ITPK1: variants seen among roughly 807,000 people sequenced by gnomAD.
ITPK1 encodes inositol 1,3,4-trisphosphate 5/6-kinase.
ITPK1 carries 21 observed loss-of-function variants against 45.3 expected under a neutral mutation model. The ratio of observed to expected loss-of-function variants is 0.46; its 90% CI spans 0.33 to 0.67. ITPK1 has a LOEUF of 0.67. Among genes scored for constraint, ITPK1 ranks in the 30% least tolerant of loss-of-function variants. The pLI is 0.02. For synonymous variants in ITPK1, 258 were observed against 253.6 expected, an observed-to-expected ratio of 1.02 and a Z score of -0.16; for missense variants, 474 against 573.5, an observed-to-expected ratio of 0.83 and a Z score of 1.77.
chr14:92,964,005 T>C (rs1188950500), intron 5 of ITPK1, among the ~76,000 whole-genome samples: 1 of 152,164 alleles, frequency 6.6e-6, no homozygotes, highest in African/African-American at 2.4e-5. Context: ...CTTGGCTGGC[T>C]AGGAGGTCAG....
intron 2 of ITPK1, among the ~76,000 whole-genome samples, chr14:93,088,112 CAGGGG>C (rs1891719311): frequency 6.6e-6 from 1 of 152,198 alleles, no homozygotes; most frequent in Non-Finnish European, 1.5e-5. Context: ...GAGAGGATTC[CAGGGG>C]CCTGAGCACG....
chr14:93,105,702 GTTTTTTTTTT>G (rs376342112), intron 2 of ITPK1, among the ~76,000 whole-genome samples: 1 of 127,768 alleles, frequency 7.8e-6, no homozygotes, highest in Non-Finnish European at 1.7e-5. Context: ...TTTTTGTGGG[GTTTTTTTTTT>G]TTTTTTTTGA....
intron 5 of ITPK1, among the ~76,000 whole-genome samples, chr14:92,973,212 A>G (rs1482352838): frequency 6.6e-6 from 1 of 152,252 alleles, no homozygotes; most frequent in African/African-American, 2.4e-5. Flanking sequence ...TGATTCAGTA[A>G]CTAGGCAGTA....
chr14:93,110,326 C>T (rs1265091242), intron 2 of ITPK1, among the ~76,000 whole-genome samples: 1 of 152,142 alleles, frequency 6.6e-6, no homozygotes, highest in Non-Finnish European at 1.5e-5. Flanking sequence ...TCTGCACCCC[C>T]GAAATGGTGG....
chr14:92,945,984 G>C (rs1346981231), intron 10 of ITPK1, among the ~76,000 whole-genome samples: 1 of 152,214 alleles, frequency 6.6e-6, no homozygotes, highest in South Asian at 2.1e-4. Flanking sequence ...AAACTGCAGG[G>C]GGCTGTAATC....
chr14:93,031,026 C>T (rs1304378446), intron 3 of ITPK1, among the ~76,000 whole-genome samples: 2 of 152,150 alleles, frequency 1.3e-5, no homozygotes, highest in African/African-American at 2.4e-5. Flanking sequence ...CCCGCTGCCT[C>T]GGAAGGAGCC....
rs78275527 is a variant in ITPK1 at position 93,030,185 on chromosome 14, G to A, written c.121-13384C>T. On this transcript the variant is annotated intron_variant, in intron 3 of 10. Transcript: ENST00000267615. The stretch of plus-strand genomic sequence containing the variant: ...CATTTACACTCAGTAGAGCTGACTG[G>A]GGAATGTGCAAAAATAAAATGAGGT... Among the ~76,000 whole-genome samples, 597 of 152,332 alleles carry A rather than the reference G, an allele frequency of 3.9e-3. 2 individuals are homozygous for A. Among genetic ancestry groups the A allele is most frequent in the African/African-American group, 0.013 (542 of 41,574 alleles).
intron 8 of ITPK1, among the ~76,000 whole-genome samples, chr14:92,953,726 G>A (rs756090377): frequency 1.3e-5 from 2 of 152,224 alleles, no homozygotes; most frequent in Non-Finnish European, 2.9e-5. Context: ...AGGAGAACAC[G>A]TGGGTGCTGA....
intron 5 of ITPK1, among the ~76,000 whole-genome samples, chr14:92,973,958 C>G (rs1209422798): frequency 6.6e-6 from 1 of 152,218 alleles, no homozygotes; most frequent in African/African-American, 2.4e-5. Context: ...AGCCATGTGC[C>G]TTGCCCGCAG....
rs190100811 is a variant in ITPK1, at chr14:93,080,939, T to C, written c.96-4320A>G. 1.6e-3 allele frequency among the ~76,000 whole-genome samples: 238 copies of C among 152,158 alleles called. 2 individuals are homozygous for C. Among genetic ancestry groups the C allele is most frequent in the African/African-American group, 5.3e-3 (222 of 41,524 alleles). On this transcript the variant is annotated intron_variant, in intron 2 of 10. Transcript: ENST00000267615. ...TTAGTAGAGACAAGGTTTCACCATGTTGGCCAGGCTGGTCTTGAACTCCTG... is the reference window on the plus strand; with the variant it reads ...TTAGTAGAGACAAGGTTTCACCATGCTGGCCAGGCTGGTCTTGAACTCCTG...
Position 92,958,442 on chromosome 14 carries a change from G to C in ITPK1, c.505-76C>G. On this transcript the variant is annotated intron_variant, in intron 7 of 10. Coordinates refer to ENST00000267615, the MANE Select transcript of ITPK1 (RefSeq NM_014216.6). This position sits in a 1 kb window ranked among gnomAD's most constrained non-coding sequence, Gnocchi z 4.4. ...CCTCCAACACACAGGTGTGTCACCT[G>C]TCCAGAGCACCTCCACCAAGGCCCA... 7.0e-7 allele frequency: 1 copy of C among 1,436,160 alleles called. No individual in the cohort carries two copies. Among genetic ancestry groups the C allele is most frequent in the Non-Finnish European group, 9.7e-7 (1 of 1,032,490 alleles). 89.0% of individuals were successfully genotyped at this position (1,436,160 alleles called of 1,614,324 possible).
At chr14:93,013,832 TC>T (rs1888038858) in intron 4 of ITPK1, among the ~76,000 whole-genome samples, 1 of 152,188 alleles carries the variant, frequency 6.6e-6, no homozygotes, top group African/African-American at 2.4e-5. Context: ...AGTGTCCGCC[TC>T]CCTGGGTCTA....
chr14:93,016,548 C>T lies in ITPK1; in HGVS notation c.246+128G>A. 9.2e-7 allele frequency: 1 copy of T among 1,082,206 alleles called. No homozygotes were observed. Among genetic ancestry groups the T allele is most frequent in the South Asian group, 1.5e-5 (1 of 67,462 alleles). 67.0% of individuals were successfully genotyped at this position (1,082,206 alleles called of 1,614,324 possible). ...CCACGAGCCCATGTCTTGCCAGTGG[C>T]AGAGCCATTTCTCCAGACTATACCT... On this transcript the variant is annotated intron_variant, in intron 4 of 10. Coordinates refer to ENST00000267615, the MANE Select transcript of ITPK1 (RefSeq NM_014216.6). The surrounding 1 kb of genome is among the most constrained non-coding windows in gnomAD (Gnocchi z 5.0).
At chr14:92,994,304 T>C (rs1391658351) in intron 4 of ITPK1, among the ~76,000 whole-genome samples, 5 of 152,216 alleles carry the variant, frequency 3.3e-5, no homozygotes, top group Non-Finnish European at 7.3e-5. Flanking sequence ...CTCCAGGCAC[T>C]GGCTCCTCTG....
Position 92,981,604 on chromosome 14 carries a change from A to AAAACATG in ITPK1, c.364+12275_364+12276insCATGTTT, listed in dbSNP as rs540776549. 3.2e-3 allele frequency among the ~76,000 whole-genome samples: 489 copies of AAAACATG among 152,128 alleles called. 2 individuals carry two copies. The highest frequency in any genetic ancestry group is 5.7e-3 in the Non-Finnish European group (388 of 67,996). Reference sequence around the variant, plus strand: ...GCCTCCCCCAGTGCATCTCCTTCTTATGTATCTGATTCTTGAAAACATTCT... The same window carrying AAAACATG: ...GCCTCCCCCAGTGCATCTCCTTCTTAAAACATGTGTATCTGATTCTTGAAAACATTCT... On this transcript the variant is annotated intron_variant, in intron 5 of 10. Transcript: ENST00000267615.
chr14:93,103,026 G>C (rs1294276123), intron 2 of ITPK1, among the ~76,000 whole-genome samples: 1 of 150,014 alleles, frequency 6.7e-6, no homozygotes, highest in Non-Finnish European at 1.5e-5. Flanking sequence ...CATGAACCTG[G>C]GAGGCGGAGC....
At chr14:93,084,314 G>T (rs1007611998) in intron 2 of ITPK1, among the ~76,000 whole-genome samples, 2 of 152,248 alleles carry the variant, frequency 1.3e-5, no homozygotes, top group African/African-American at 4.8e-5. Flanking sequence ...CCCACAAGGA[G>T]ATTTAGCAAC....
At chr14:92,981,837 G>A (rs145351458) in intron 5 of ITPK1, among the ~76,000 whole-genome samples, 10 of 152,358 alleles carry the variant, frequency 6.6e-5, no homozygotes, top group African/African-American at 1.9e-4. Flanking sequence ...TGAGGCCCAC[G>A]CAGGGAAGGG....
At chr14:93,104,146 A>G (rs959873967) in intron 2 of ITPK1, among the ~76,000 whole-genome samples, 1 of 152,174 alleles carries the variant, frequency 6.6e-6, no homozygotes, top group Non-Finnish European at 1.5e-5. Context: ...TCCACCATGC[A>G]CTATCCTCCT....
Sources: allele counts gnomAD v4.1 joint callset (sites outside exome capture counted in the v4.1 genomes callset), GRCh38; gene constraint gnomAD v4.1.1; non-coding constraint Gnocchi (gnomAD v3.1); transcripts MANE v1.5; gene names NCBI Gene and HGNC (gene_info 2026-07-23, HGNC 2026-07-21).